PTPRD: variants seen among roughly 807,000 people sequenced by gnomAD.
PTPRD encodes receptor-type tyrosine-protein phosphatase delta.
PTPRD carries 34 observed loss-of-function variants against 214.5 expected under a neutral mutation model. The ratio of observed to expected loss-of-function variants is 0.16; its 90% CI spans 0.12 to 0.21. PTPRD has a LOEUF of 0.21. Ranked by LOEUF, PTPRD falls within the 10% of genes least tolerant of loss-of-function variation. The pLI is 1.00. For synonymous variants in PTPRD, 1,128 were observed against 845.7 expected, an observed-to-expected ratio of 1.33 and a Z score of -5.79; for missense variants, 2,545 against 2,398.7, an observed-to-expected ratio of 1.06 and a Z score of -1.27.
intron 9 of PTPRD, among the ~76,000 whole-genome samples, chr9:9,212,514 C>G (rs2099949426): frequency 6.6e-6 from 1 of 152,084 alleles, no homozygotes; most frequent in South Asian, 2.1e-4. Context: ...TTGGTCAAAT[C>G]CATTGAGCAG....
chr9:9,441,443 T>C (rs1251749111), intron 8 of PTPRD, among the ~76,000 whole-genome samples: 2 of 152,212 alleles, frequency 1.3e-5, no homozygotes, highest in African/African-American at 2.4e-5. Flanking sequence ...ATGCTGTCTA[T>C]GGAAGTGGTG....
chr9:10,210,905 A>G (rs2099514203), intron 3 of PTPRD, among the ~76,000 whole-genome samples: 1 of 149,022 alleles, frequency 6.7e-6, no homozygotes, highest in South Asian at 2.1e-4. Flanking sequence ...TTGCAAGTTC[A>G]GAGCTGATGC....
At chr9:9,934,428 T>A (rs2088262857) in intron 5 of PTPRD, among the ~76,000 whole-genome samples, 1 of 134,840 alleles carries the variant, frequency 7.4e-6, no homozygotes, top group Non-Finnish European at 1.6e-5. Context: ...CAAACTACCA[T>A]CAGAGAATAC....
chr9:8,407,583 C>T (rs1875239), intron 35 of PTPRD, among the ~76,000 whole-genome samples: 16,785 of 152,174 alleles, frequency 0.11, 1,889 homozygotes, highest in East Asian at 0.5. Context: ...AAGAAACACA[C>T]CTACACATCA....
At chr9:10,571,230 G>A (rs995104639) in intron 2 of PTPRD, among the ~76,000 whole-genome samples, 12 of 151,792 alleles carry the variant, frequency 7.9e-5, no homozygotes, top group African/African-American at 1.9e-4. Flanking sequence ...GATCATACTT[G>A]GGTTTCAGTA....
chr9:10,488,430 G>C (rs972341774), intron 2 of PTPRD, among the ~76,000 whole-genome samples: 19 of 150,306 alleles, frequency 1.3e-4, no homozygotes, highest in Admixed American at 1.1e-3. Flanking sequence ...ACTGTGTCTT[G>C]CCCAAGGCCC....
intron 12 of PTPRD, among the ~76,000 whole-genome samples, chr9:8,721,092 C>G (rs1016240337): frequency 1.3e-5 from 2 of 149,786 alleles, no homozygotes; most frequent in Non-Finnish European, 3.0e-5. Context: ...ATTATGTTGC[C>G]TACACTTAGA....
intron 2 of PTPRD, among the ~76,000 whole-genome samples, chr9:10,577,016 T>G (rs1039563171): frequency 2.0e-5 from 3 of 152,146 alleles, no homozygotes; most frequent in Non-Finnish European, 2.9e-5. Context: ...GGAGAACATC[T>G]GTTTCAAAGA....
intron 2 of PTPRD, among the ~76,000 whole-genome samples, chr9:10,583,714 G>A (rs1195261676): frequency 2.0e-5 from 3 of 152,008 alleles, no homozygotes; most frequent in Non-Finnish European, 4.4e-5. Context: ...TCCTGACCTC[G>A]TGATGCGCCT....
rs112500641 is a variant in PTPRD, at chr9:9,056,750, T to G, written c.-142-38015A>C. Among the ~76,000 whole-genome samples, 866 of 152,388 alleles carry G rather than the reference T, an allele frequency of 5.7e-3. 16 individuals are homozygous for G. Among genetic ancestry groups the G allele is most frequent in the African/African-American group, 0.02 (830 of 41,604 alleles). On this transcript the variant is annotated intron_variant, in intron 10 of 45. Transcript: ENST00000381196. ...AAGTCTTCCATGTTTGGCGTAGGCC[T>G]GTACACTTTGCTGCATTTCTTTCTT...
chr9:10,257,183 T>G (rs536077227), intron 3 of PTPRD, among the ~76,000 whole-genome samples: 1 of 152,240 alleles, frequency 6.6e-6, no homozygotes, highest in African/African-American at 2.4e-5. Context: ...TAACATATAC[T>G]GGTTTTAGAC....
At chr9:8,955,793 T>C (rs10977401) in intron 11 of PTPRD, among the ~76,000 whole-genome samples, 1 of 151,826 alleles carries the variant, frequency 6.6e-6, no homozygotes. Flanking sequence ...CTGTAACATA[T>C]ATAGTGCTAA....
At chr9:9,436,922 C>T (rs1489198423) in intron 8 of PTPRD, among the ~76,000 whole-genome samples, 1 of 151,962 alleles carries the variant, frequency 6.6e-6, no homozygotes, top group Non-Finnish European at 1.5e-5. Flanking sequence ...ATACCTGAAC[C>T]CATGGCAATA....
At chr9:9,354,063 CT>C (rs1333935263) in intron 9 of PTPRD, among the ~76,000 whole-genome samples, 3 of 151,780 alleles carry the variant, frequency 2.0e-5, no homozygotes, top group Non-Finnish European at 4.4e-5. Flanking sequence ...ACATGGCCTC[CT>C]TCTTCTATGA....
At chr9:8,849,990 A>G (rs965417481) in intron 11 of PTPRD, among the ~76,000 whole-genome samples, 1 of 152,190 alleles carries the variant, frequency 6.6e-6, no homozygotes, top group Admixed American at 6.5e-5. Context: ...AAGTGAAAAG[A>G]TTACAGGAGG....
intron 11 of PTPRD, among the ~76,000 whole-genome samples, chr9:8,764,474 A>T (rs2094583828): frequency 6.6e-6 from 1 of 152,142 alleles, no homozygotes; most frequent in South Asian, 2.1e-4. Context: ...TGACACTAAA[A>T]ATACGGACCA....
chr9:8,900,139 A>G (rs2098655759), intron 11 of PTPRD, among the ~76,000 whole-genome samples: 1 of 152,196 alleles, frequency 6.6e-6, no homozygotes, highest in African/African-American at 2.4e-5. Context: ...CTTATATGAC[A>G]TACTATATAA....
At chr9:9,549,023 T>C (rs563480588) in intron 8 of PTPRD, among the ~76,000 whole-genome samples, 11 of 152,122 alleles carry the variant, frequency 7.2e-5, no homozygotes, top group Non-Finnish European at 1.5e-4. Context: ...TTTAGGACAC[T>C]ATATCAAACA....
rs184246236 is a variant in PTPRD at position 8,635,934 on chromosome 9, A to G, written c.210+765T>C. ...CCTTCTCACAAACACTCAAAAAAAG[A>G]ATCTTTGATTTATGTTTCACCATCT... is the stretch of plus-strand genomic sequence containing the variant. On this transcript the variant is annotated intron_variant, in intron 13 of 45. Coordinates refer to ENST00000381196, the MANE Select transcript of PTPRD (RefSeq NM_002839.4). Among the ~76,000 whole-genome samples, 14 of 152,280 alleles carry G rather than the reference A, an allele frequency of 9.2e-5. No homozygotes were observed. The East Asian group carries it at 2.3e-3, about 25-fold the overall frequency.
Sources: allele counts gnomAD v4.1 joint callset (sites outside exome capture counted in the v4.1 genomes callset), GRCh38; gene constraint gnomAD v4.1.1; transcripts MANE v1.5; gene names NCBI Gene and HGNC (gene_info 2026-07-23, HGNC 2026-07-21).